Variants in SEMA3D observed in about 807,000 individuals in gnomAD.
SEMA3D encodes semaphorin 3D.
In SEMA3D, 84 loss-of-function variants were observed where a neutral mutation model predicts 100.1. That is an observed-to-expected ratio of 0.84 (90% CI 0.70 to 1.01). The LOEUF is 1.01. Among genes scored for constraint, SEMA3D ranks in the 50% least tolerant of loss-of-function variants. The pLI, the probability that SEMA3D is intolerant of heterozygous loss-of-function variation, is 0.00. For missense variants in SEMA3D, 875 were observed against 934.1 expected (o/e 0.94, Z 0.82); for synonymous variants, 312 against 320.7 (o/e 0.97, Z 0.29).
In SEMA3D at chr7:84,997,431, T is replaced by C. The variant is rs1222165119; in HGVS notation, c.*2009A>G. On this transcript the variant is annotated 3_prime_UTR_variant, in exon 19 of 19. Coordinates refer to ENST00000284136, the MANE Select transcript of SEMA3D (RefSeq NM_001384900.1). Reference sequence around the variant, plus strand: ...TTGTTACGCTATTCAATTAGAAGTCTGATCATGCCACACTGTTCTTCTGAA... The same window carrying C: ...TTGTTACGCTATTCAATTAGAAGTCCGATCATGCCACACTGTTCTTCTGAA... The C allele has an allele frequency of 6.6e-6, 1 of 152,130 alleles. No individual in the cohort carries two copies. The highest frequency in any genetic ancestry group is 1.5e-5 in the Non-Finnish European group (1 of 67,964). 9.4% of individuals were successfully genotyped at this position (152,130 alleles called of 1,614,324 possible). A position where few individuals can be genotyped will look rare whatever the true frequency, so the allele number is the denominator to read the frequency against.
chr7:85,171,887 G>T (rs966290450), intron 1 of SEMA3D, among the ~76,000 whole-genome samples: 6 of 151,668 alleles, frequency 4.0e-5, no homozygotes, highest in Non-Finnish European at 8.8e-5. Flanking sequence ...CTCTTGATTT[G>T]CTCTAACAAA....
rs751281094 is a variant in SEMA3D, at chr7:84,996,865, A to C, written c.*2575T>G. On this transcript the variant is annotated 3_prime_UTR_variant, in exon 19 of 19. Coordinates refer to ENST00000284136, the MANE Select transcript of SEMA3D (RefSeq NM_001384900.1). ...TTGATAAAATAGTCAGTGGTGAGGA[A>C]GTATATAGTGTGTTTGTGGATTTAA... 1 of 152,008 alleles carries C rather than the reference A, an allele frequency of 6.6e-6. No individual in the cohort carries two copies. The highest frequency in any genetic ancestry group is 2.4e-5 in the African/African-American group (1 of 41,458). 9.4% of individuals were successfully genotyped at this position (152,008 alleles called of 1,614,324 possible).
rs768182925 is a variant in SEMA3D at position 85,022,455 on chromosome 7, T to C, written c.1350A>G (p.Thr450=). The C allele has an allele frequency of 3.7e-6, 6 of 1,612,470 alleles. No individual in the cohort carries two copies. The highest frequency in any genetic ancestry group is 1.3e-5 in the African/African-American group (1 of 74,798). The part of the protein sequence containing the change: ...FKRINVDYRL[T]QIVVDHVIAE... The stretch of plus-strand genomic sequence containing the variant: ...CAATGACATGATCCACCACTATCTG[T>C]GTCAGTCTGTAATCCACATTGATTC... The change falls in exon 13 of 19, where the codon ACA becomes ACG. Residue 450 remains threonine, a synonymous_variant. Transcript: ENST00000284136.
chr7:85,190,253 CA>C (rs927098708), upstream of SEMA3D, among the ~76,000 whole-genome samples: 3 of 152,064 alleles, frequency 2.0e-5, no homozygotes, highest in African/African-American at 7.2e-5. Context: ...CAGAGGCAAA[CA>C]AGAAAAATTG....
At chr7:85,122,640 A>G (rs1203405070) in intron 2 of SEMA3D, among the ~76,000 whole-genome samples, 1 of 152,158 alleles carries the variant, frequency 6.6e-6, no homozygotes, top group Admixed American at 6.6e-5. Flanking sequence ...TCATTTTGAG[A>G]CAAGTTCTCT....
intron 1 of SEMA3D, among the ~76,000 whole-genome samples, chr7:85,173,198 G>A (rs544959772): frequency 6.6e-6 from 1 of 152,114 alleles, no homozygotes; most frequent in Admixed American, 6.5e-5. Flanking sequence ...TTTGAGGGTA[G>A]ATAAATGGAG....
chr7:85,237,830 T>C, the SEMA3D span, among the ~76,000 whole-genome samples: 1 of 152,070 alleles, frequency 6.6e-6, no homozygotes, highest in Non-Finnish European at 1.5e-5. Context: ...ATCTTATATT[T>C]ATTTTGTAAG....
intron 3 of SEMA3D, among the ~76,000 whole-genome samples, chr7:85,101,730 CAT>C (rs1382762729): frequency 6.6e-6 from 1 of 151,930 alleles, no homozygotes; most frequent in Admixed American, 6.6e-5. Context: ...TTTCCCAACT[CAT>C]ATAGTTCTCA....
intron 2 of SEMA3D, chr7:85,140,273 T>C: frequency 7.3e-6 from 7 of 958,246 alleles, no homozygotes; most frequent in Non-Finnish European, 8.7e-6. Flanking sequence ...CTGCATTTTC[T>C]CTTTTCCTCA....
chr7:85,125,783 C>CGTGT (rs79570607), intron 2 of SEMA3D, among the ~76,000 whole-genome samples: 4 of 113,808 alleles, frequency 3.5e-5, no homozygotes, highest in Admixed American at 2.6e-4. Context: ...TTGCTGTCTT[C>CGTGT]GTGTGTGTGT....
At chr7:85,190,784 T>A (rs1482484726), upstream of SEMA3D, among the ~76,000 whole-genome samples, 1 of 152,104 alleles carries the variant, frequency 6.6e-6, no homozygotes, top group African/African-American at 2.4e-5. Flanking sequence ...TATGTAAAAC[T>A]GTCCAAACTT....
chr7:85,055,972 T>G (rs764191784), intron 8 of SEMA3D, 113 bp from the exon 9 acceptor site: 12 of 538,286 alleles, frequency 2.2e-5, no homozygotes, highest in Non-Finnish European at 3.3e-5. Flanking sequence ...AAAAATGAAC[T>G]ATAAGCCAGA....
At chr7:85,113,539 G>A (rs1789153678) in intron 3 of SEMA3D, among the ~76,000 whole-genome samples, 1 of 151,236 alleles carries the variant, frequency 6.6e-6, no homozygotes, top group Non-Finnish European at 1.5e-5. Flanking sequence ...TTGGGAGGCC[G>A]AGGTGGGCAG....
chr7:85,246,522 T>C, the SEMA3D span, among the ~76,000 whole-genome samples: 2 of 151,992 alleles, frequency 1.3e-5, no homozygotes, highest in Non-Finnish European at 2.9e-5. Flanking sequence ...CACAGATATA[T>C]GTGAAACGCT....
intron 12 of SEMA3D, among the ~76,000 whole-genome samples, chr7:85,025,268 A>G (rs746386662): frequency 1.3e-5 from 2 of 152,020 alleles, no homozygotes; most frequent in African/African-American, 4.8e-5. Context: ...ACTCAAAGAC[A>G]GTATTCTTCT....
chr7:85,046,260 A>T (rs1791006179), intron 9 of SEMA3D, among the ~76,000 whole-genome samples: 1 of 151,930 alleles, frequency 6.6e-6, no homozygotes, highest in African/African-American at 2.4e-5. Context: ...TTCATTTTCA[A>T]ACATTTCCTC....
intron 2 of SEMA3D, chr7:85,140,439 G>T: frequency 1.0e-6 from 1 of 983,592 alleles, no homozygotes; most frequent in Non-Finnish European, 1.2e-6. Context: ...GACTAGTGAT[G>T]ATGGGATTTA....
intron 6 of SEMA3D, among the ~76,000 whole-genome samples, chr7:85,071,151 A>C (rs1329580848): frequency 6.6e-6 from 1 of 152,158 alleles, no homozygotes; most frequent in African/African-American, 2.4e-5. Flanking sequence ...AGGCCTCAAA[A>C]CACACTCAAA....
At chr7:85,239,703 A>G in the SEMA3D span, among the ~76,000 whole-genome samples, 4 of 152,158 alleles carry the variant, frequency 2.6e-5, no homozygotes, top group Non-Finnish European at 5.9e-5. Context: ...AAGTTTTTTC[A>G]CAAGTTCACT....
Sources: gnomAD v4.1 joint callset for allele counts (sites outside exome capture counted in the v4.1 genomes callset) on GRCh38, gnomAD v4.1.1 for gene constraint, MANE v1.5 for transcripts, NCBI Gene and HGNC (gene_info 2026-07-23, HGNC 2026-07-21) for gene names.